The following ZNRF2 variants were observed in gnomAD, a reference collection of about 807,000 sequenced individuals.
ZNRF2 encodes E3 ubiquitin-protein ligase ZNRF2.
Under a neutral mutation model 20.4 loss-of-function variants are expected in ZNRF2, and 16 were observed. The observed-to-expected ratio is 0.79, with a 90% CI of 0.53 to 1.19. The LOEUF is 1.19. Among genes scored for constraint, ZNRF2 ranks in the 50% most tolerant of loss-of-function variants. ZNRF2 has a pLI of 0.00. For synonymous variants in ZNRF2, 178 were observed against 144.9 expected, an observed-to-expected ratio of 1.23 and a Z score of -1.64; for missense variants, 363 against 332.4, an observed-to-expected ratio of 1.09 and a Z score of -0.72.
chr7:30,327,330 G>A (rs908107207), intron 2 of ZNRF2, among the ~76,000 whole-genome samples: 1 of 152,086 alleles, frequency 6.6e-6, no homozygotes, highest in Non-Finnish European at 1.5e-5. Context: ...GGAGGTTGGC[G>A]TGGGGTAGGG....
rs1161397199 is a variant in ZNRF2 at position 30,284,681 on chromosome 7, C to T, written c.-677C>T. The T allele has an allele frequency of 6.3e-6, 1 of 158,060 alleles. No homozygotes were observed. The highest frequency in any genetic ancestry group is 1.4e-5 in the Non-Finnish European group (1 of 70,952). The allele number at this position is 158,060 out of a possible 1,614,324, so 9.8% of individuals were successfully genotyped here. A position where few individuals can be genotyped will look rare whatever the true frequency, so the allele number is the denominator to read the frequency against. On this transcript the variant is annotated 5_prime_UTR_variant, in exon 1 of 5. Transcript: ENST00000323037. ...CCGGGGAACCTCCTCCCCATCTGCG[C>T]ACCCCCCGCCTTCGCGGCCCAGATC...
intron 1 of ZNRF2, among the ~76,000 whole-genome samples, chr7:30,292,339 A>T (rs1193504730): frequency 6.6e-6 from 1 of 152,138 alleles, no homozygotes; most frequent in Non-Finnish European, 1.5e-5. Context: ...TCACATTAAA[A>T]TTTTTTATAA....
Position 30,285,059 on chromosome 7 carries a change from C to A in ZNRF2, c.-299C>A. ...ACCGAAACCAGCGGCAGCCGCACGG[C>A]CACTTGAGCCGCCCCTTCCTGCTGG... On this transcript the variant is annotated 5_prime_UTR_variant, in exon 1 of 5. Coordinates refer to ENST00000323037, the MANE Select transcript of ZNRF2 (RefSeq NM_147128.4). 2.4e-6 allele frequency: 1 copy of A among 408,352 alleles called. No homozygotes were observed. Among genetic ancestry groups the A allele is most frequent in the African/African-American group, 2.2e-5 (1 of 45,822 alleles). The allele number at this position is 408,352 out of a possible 1,614,324, so 25.3% of individuals were successfully genotyped here. A position where few individuals can be genotyped will look rare whatever the true frequency, so the allele number is the denominator to read the frequency against.
intron 2 of ZNRF2, among the ~76,000 whole-genome samples, chr7:30,325,025 C>T (rs887220234): frequency 6.6e-6 from 1 of 152,036 alleles, no homozygotes; most frequent in African/African-American, 2.4e-5. Context: ...TTTTTTAGGT[C>T]TGGTGTTTTA....
At chr7:30,342,903 T>C (rs1799818954) in intron 2 of ZNRF2, among the ~76,000 whole-genome samples, 1 of 152,152 alleles carries the variant, frequency 6.6e-6, no homozygotes, top group African/African-American at 2.4e-5. Context: ...TTTTTCCCCC[T>C]GGTTTTGCTA....
chr7:30,323,606 A>T, intron 1 of ZNRF2, 36 bp from the exon 2 acceptor site: 1 of 1,377,406 alleles, frequency 7.3e-7, no homozygotes, highest in Non-Finnish European at 1.0e-6. Context: ...GGATATTCAG[A>T]ATAGTTAAGT....
rs919300657 is a variant in ZNRF2 at position 30,290,631 on chromosome 7, C to G, written c.469+4805C>G. ...CCCATTGCCTTTGCTGTATTTCATT[C>G]ATTAGAAGCAAGTCATAGGTCCAGT... On this transcript the variant is annotated intron_variant, in intron 1 of 4. Coordinates refer to ENST00000323037, the MANE Select transcript of ZNRF2 (RefSeq NM_147128.4). Among the ~76,000 whole-genome samples, 30 of 152,204 alleles carry G rather than the reference C, an allele frequency of 2.0e-4. 1 individual carries two copies. Among genetic ancestry groups the G allele is most frequent in the South Asian group, 6.2e-4 (3 of 4,830 alleles).
intron 1 of ZNRF2, among the ~76,000 whole-genome samples, chr7:30,293,248 A>ATTTT (rs71557451): frequency 7.5e-6 from 1 of 133,730 alleles, no homozygotes; most frequent in African/African-American, 2.8e-5. Flanking sequence ...AAATTTTTAC[A>ATTTT]TTTTTTTTTT....
intron 1 of ZNRF2, among the ~76,000 whole-genome samples, chr7:30,307,336 T>TG (rs1471094730): frequency 1.4e-5 from 2 of 139,956 alleles, no homozygotes; most frequent in East Asian, 4.1e-4. Context: ...GTTTTTTTTT[T>TG]TTTTTTTTTT....
Position 30,355,750 on chromosome 7 carries a change from T to C in ZNRF2, c.588T>C (p.Ala196=), listed in dbSNP as rs1480081342. The change falls in exon 3 of 5, where the codon GCT becomes GCC. Residue 196 remains alanine (A), a synonymous_variant. Coordinates refer to ENST00000323037, the MANE Select transcript of ZNRF2 (RefSeq NM_147128.4). ...TYNEDVLSKD[A]GECAICLEEL... ...CAGAGGATGTACTGAGTAAAGATGC[T>C]GGGGAATGTGCAATATGCCTTGAAG... 1.2e-6 allele frequency: 2 copies of C among 1,613,376 alleles called. No individual in the cohort carries two copies. Among genetic ancestry groups the C allele is most frequent in the African/African-American group, 1.3e-5 (1 of 74,926 alleles).
chr7:30,319,991 T>C (rs1043481963), intron 1 of ZNRF2, among the ~76,000 whole-genome samples: 1 of 152,202 alleles, frequency 6.6e-6, no homozygotes, highest in African/African-American at 2.4e-5. Context: ...TTACACATAT[T>C]TTTATTTTTA....
chr7:30,350,167 T>C lies in ZNRF2; in HGVS notation c.566-5561T>C, dbSNP rs115861436. ...TCTAGGTGTGGAATTAGTGCTCCTT[T>C]TGTATATTGTAGCTTTTAGAGTTTG... On this transcript the variant is annotated intron_variant, in intron 2 of 4. Coordinates refer to ENST00000323037, the MANE Select transcript of ZNRF2 (RefSeq NM_147128.4). Among the ~76,000 whole-genome samples, 1,014 of 152,110 alleles carry C rather than the reference T, an allele frequency of 6.7e-3. 16 individuals carry two copies. The highest frequency in any genetic ancestry group is 0.023 in the African/African-American group (975 of 41,548).
rs184611153 is a variant in ZNRF2, at chr7:30,320,759, G to A, written c.470-2883G>A. 7.9e-5 allele frequency among the ~76,000 whole-genome samples: 12 copies of A among 152,170 alleles called. No individual in the cohort carries two copies. The East Asian group carries it at 1.4e-3, about 17-fold the overall frequency. ...AAGTCAAGGAGCATTTGTATATTAA[G>A]GATATTGTCCTTTTGTTTTTGATAT... On this transcript the variant is annotated intron_variant, in intron 1 of 4. Coordinates refer to ENST00000323037, the MANE Select transcript of ZNRF2 (RefSeq NM_147128.4).
intron 1 of ZNRF2, chr7:30,289,743 C>A: frequency 3.8e-6 from 2 of 527,204 alleles, no homozygotes; most frequent in Non-Finnish European, 7.8e-6. Context: ...TGGTGAGTTG[C>A]ACAGGGCATC....
intron 2 of ZNRF2, 36 bp downstream of exon 2, chr7:30,323,773 G>T: frequency 8.0e-7 from 1 of 1,243,398 alleles, no homozygotes; most frequent in Non-Finnish European, 1.1e-6. Context: ...TTTTAAGTTA[G>T]AATTAACTTA....
At chr7:30,359,270 G>C (rs1800087562) in intron 3 of ZNRF2, among the ~76,000 whole-genome samples, 2 of 152,136 alleles carry the variant, frequency 1.3e-5, no homozygotes, top group South Asian at 4.1e-4. Flanking sequence ...ATAATTTCAA[G>C]ATTGATAAAT....
At chr7:30,361,959 A>G (rs1800133606) in intron 3 of ZNRF2, among the ~76,000 whole-genome samples, 1 of 152,248 alleles carries the variant, frequency 6.6e-6, no homozygotes, top group African/African-American at 2.4e-5. Flanking sequence ...TATAGCTTTA[A>G]AAATGAAATA....
chr7:30,320,626 G>A (rs1380189968), intron 1 of ZNRF2, among the ~76,000 whole-genome samples: 1 of 152,072 alleles, frequency 6.6e-6, no homozygotes, highest in East Asian at 1.9e-4. Context: ...ATTGAATACG[G>A]TATTGAAAGG....
chr7:30,342,839 T>A (rs1284914523), intron 2 of ZNRF2, among the ~76,000 whole-genome samples: 1 of 152,114 alleles, frequency 6.6e-6, no homozygotes, highest in African/African-American at 2.4e-5. Flanking sequence ...TTTGGGGGTG[T>A]CTTTTTTAAC....
Sources: allele counts gnomAD v4.1 joint callset (sites outside exome capture counted in the v4.1 genomes callset), GRCh38; gene constraint gnomAD v4.1.1; transcripts MANE v1.5; gene names NCBI Gene and HGNC (gene_info 2026-07-23, HGNC 2026-07-21).